The following SRRM1 variants were observed in gnomAD, a reference collection of about 807,000 sequenced individuals.
SRRM1 encodes the protein serine and arginine repetitive matrix 1, also known as serine/arginine repetitive matrix protein 1.
A neutral mutation model predicts 110.2 loss-of-function variants in SRRM1; 19 were observed. The ratio of observed to expected loss-of-function variants is 0.17; its 90% CI spans 0.12 to 0.25. SRRM1 has a LOEUF of 0.25. Ranked by LOEUF, SRRM1 falls within the 10% of genes least tolerant of loss-of-function variation. SRRM1 has a pLI of 1.00. For synonymous variants in SRRM1, 443 were observed against 414.9 expected, an observed-to-expected ratio of 1.07 and a Z score of -0.82; for missense variants, 918 against 1,145.8, an observed-to-expected ratio of 0.80 and a Z score of 2.87.
At chr1:24,646,223 C>G in intron 2 of SRRM1, 150 bp downstream of exon 2, 2 of 622,196 alleles carry the variant, frequency 3.2e-6, no homozygotes, top group Non-Finnish European at 5.6e-6. Flanking sequence ...CGTGGCACAG[C>G]CATATAAGAA....
In SRRM1 at chr1:24,669,426, G is replaced by A; in HGVS notation, c.2043G>A (p.Arg681=). 2 of 1,614,118 alleles carry A rather than the reference G, an allele frequency of 1.2e-6. No individual in the cohort carries two copies. Among genetic ancestry groups the A allele is most frequent in the Admixed American group, 1.7e-5 (1 of 60,012 alleles). ...REARSPQPNK[R]HSPSPRPRAP... is the part of the protein sequence containing the mutation. Reference sequence around the variant, plus strand: ...CCCGATCACCACAACCAAACAAACGGCATTCGCCCTCACCACGGCCTCGAG... The same window carrying A: ...CCCGATCACCACAACCAAACAAACGACATTCGCCCTCACCACGGCCTCGAG... Residue 681 remains arginine (R), a synonymous_variant, in exon 14 of 17, where the codon CGG becomes CGA. Coordinates refer to ENST00000323848, the MANE Select transcript of SRRM1 (RefSeq NM_005839.4).
chr1:24,645,835 T>G, intron 1 of SRRM1, 149 bp from the exon 2 acceptor site: 1 of 562,246 alleles, frequency 1.8e-6, no homozygotes, highest in Non-Finnish European at 3.2e-6. Flanking sequence ...TCAGCTACAT[T>G]GGGGAAGGAG....
chr1:24,652,015 C>T (rs567549683), intron 6 of SRRM1, among the ~76,000 whole-genome samples: 47 of 98,708 alleles, frequency 4.8e-4, no homozygotes, highest in East Asian at 4.3e-3. Context: ...TGGTGAAACT[C>T]CATCTGTACT....
intron 5 of SRRM1, among the ~76,000 whole-genome samples, chr1:24,650,866 C>T (rs1660252178): frequency 6.6e-6 from 1 of 152,152 alleles, no homozygotes; most frequent in Non-Finnish European, 1.5e-5. Context: ...AAGAGAAAAA[C>T]CCTTCGAGTT....
intron 1 of SRRM1, among the ~76,000 whole-genome samples, chr1:24,644,384 G>T (rs759313816): frequency 6.6e-6 from 1 of 152,164 alleles, no homozygotes; most frequent in African/African-American, 2.4e-5. Flanking sequence ...GAAACTAGTT[G>T]ATCTAAGCCA....
intron 16 of SRRM1, 76 bp downstream of exon 16, chr1:24,671,671 C>A (rs1672797980): frequency 7.4e-7 from 1 of 1,359,454 alleles, no homozygotes; most frequent in South Asian, 1.5e-5. Flanking sequence ...TGAGAAGTAG[C>A]AAAATTGTTT....
chr1:24,661,481 GAGT>G, intron 11 of SRRM1, 85 bp downstream of exon 11: 2 of 973,918 alleles, frequency 2.1e-6, no homozygotes, highest in South Asian at 3.2e-5. Flanking sequence ...TGTGCAGCAT[GAGT>G]ACTTACTTGC....
intron 10 of SRRM1, 22 bp from the exon 11 acceptor site, chr1:24,661,288 T>G: frequency 6.3e-7 from 1 of 1,596,940 alleles, no homozygotes; most frequent in African/African-American, 1.3e-5. Context: ...AGAAACACTT[T>G]CTAAATGCAT....
chr1:24,661,441 T>TA (rs749234612), intron 11 of SRRM1, 45 bp downstream of exon 11: 3 of 1,392,572 alleles, frequency 2.2e-6, no homozygotes, highest in African/African-American at 2.9e-5. Context: ...TATTTCCTAT[T>TA]AAAAAATACT....
Position 24,669,266 on chromosome 1 carries a change from C to G in SRRM1, c.1883C>G (p.Ser628Cys), listed in dbSNP as rs889581955. ...PPPPKRRASPSPPPKRRVSHS... is the reference protein window; with the variant it reads ...PPPPKRRASPCPPPKRRVSHS... Reference sequence around the variant, plus strand: ...CCTCCTAAACGAAGAGCATCACCATCTCCACCACCAAAGCGGCGGGTCTCC... The same window carrying G: ...CCTCCTAAACGAAGAGCATCACCATGTCCACCACCAAAGCGGCGGGTCTCC... The change falls in exon 14 of 17, where the codon TCT becomes TGT. Residue 628 changes from serine to cysteine, a missense_variant. Ser to Cys is a moderately radical substitution (Grantham distance 112). Around this residue, in one of 5 missense-constraint regions of SRRM1, gnomAD observed 357 missense variants for 402.9 expected, o/e 0.89. Coordinates refer to ENST00000323848, the MANE Select transcript of SRRM1 (RefSeq NM_005839.4). The G allele has an allele frequency of 6.2e-7, 1 of 1,614,180 alleles. No individual in the cohort carries two copies. Among genetic ancestry groups the G allele is most frequent in the Non-Finnish European group, 8.5e-7 (1 of 1,180,038 alleles).
rs1673427817 is a variant in SRRM1, at chr1:24,673,225, T to C, written c.*939T>C. The C allele has an allele frequency of 6.6e-6, 1 of 152,070 alleles. No individual in the cohort carries two copies. Among genetic ancestry groups the C allele is most frequent in the Admixed American group, 6.6e-5 (1 of 15,264 alleles). The allele number at this position is 152,070 out of a possible 1,614,324, so 9.4% of individuals were successfully genotyped here. On this transcript the variant is annotated 3_prime_UTR_variant, in exon 17 of 17. Coordinates refer to ENST00000323848, the MANE Select transcript of SRRM1 (RefSeq NM_005839.4). ...TGATTTTTTTTAAACTAAAGCTATA[T>C]AAAGCTTGTGGATTAAACAGAATAA...
chr1:24,646,968 T>C (rs919988028), intron 3 of SRRM1, 179 bp downstream of exon 3: 3 of 469,794 alleles, frequency 6.4e-6, no homozygotes, highest in Non-Finnish European at 1.1e-5. Context: ...GTGCATAGTT[T>C]TGAAAGCTAC....
In SRRM1 at chr1:24,651,536, A is replaced by G. The variant is rs1334504134; in HGVS notation, c.649A>G (p.Lys217Glu). The G allele has an allele frequency of 2.5e-6, 4 of 1,614,154 alleles. No homozygotes were observed. The East Asian group carries it at 8.9e-5, about 36-fold the overall frequency. ...SRSPSPAPEK[K>E]EKTPELPEPS... ...GAGTCCTTCCCCTGCTCCAGAAAAG[A>G]AGGAAAAAACTCCAGAGCTCCCAGA... The change falls in exon 6 of 17, where the codon AAG (lysine) becomes GAG (glutamate). Residue 217 changes from lysine (K) to glutamate (E), a missense_variant. Physicochemically the swap from Lys to Glu is moderately conservative, Grantham distance 56. Around this residue, in one of 5 missense-constraint regions of SRRM1, gnomAD observed 456 missense variants for 453.5 expected, o/e 1.01. Transcript: ENST00000323848.
intron 6 of SRRM1, 44 bp downstream of exon 6, chr1:24,651,656 T>C: frequency 1.4e-6 from 2 of 1,411,810 alleles, no homozygotes; most frequent in South Asian, 2.5e-5. Flanking sequence ...CAATTTTAGA[T>C]TAATAGTGAC....
chr1:24,672,107 C>T, intron 16 of SRRM1, 75 bp from the exon 17 acceptor site: 1 of 1,188,346 alleles, frequency 8.4e-7, no homozygotes, highest in South Asian at 1.4e-5. Context: ...CCCTCCCACA[C>T]TTTGATTCTG....
intron 2 of SRRM1, 145 bp from the exon 3 acceptor site, chr1:24,646,522 C>CA (rs149061293): frequency 0.1 from 42,108 of 402,586 alleles, 386 homozygotes; most frequent in African/African-American, 0.2. Flanking sequence ...GACTCTGTCT[C>CA]AAAAAAAAAA....
chr1:24,664,248 G>A (rs1331350594), intron 12 of SRRM1, among the ~76,000 whole-genome samples: 1 of 152,012 alleles, frequency 6.6e-6, no homozygotes, highest in Non-Finnish European at 1.5e-5. Flanking sequence ...CACCCGCCTC[G>A]GCCTCCCAAA....
At chr1:24,666,774 A>G (rs370380601) in intron 12 of SRRM1, 41 bp from the exon 13 acceptor site, 2 of 1,563,330 alleles carry the variant, frequency 1.3e-6, no homozygotes, top group African/African-American at 1.4e-5. Context: ...CACACACACA[A>G]AAAAAAGAAA....
intron 9 of SRRM1, among the ~76,000 whole-genome samples, chr1:24,660,001 A>G (rs760011816): frequency 1.3e-5 from 2 of 152,180 alleles, no homozygotes; most frequent in Non-Finnish European, 2.9e-5. Context: ...TGTGAAGATT[A>G]TGCTCTACAT....
Sources: allele counts gnomAD v4.1 joint callset (sites outside exome capture counted in the v4.1 genomes callset), GRCh38; gene constraint gnomAD v4.1.1; regional missense constraint gnomAD v4.1.1; transcripts MANE v1.5; gene names NCBI Gene and HGNC (gene_info 2026-07-23, HGNC 2026-07-21).